The following DICER1 variants were observed in gnomAD, a reference collection of about 807,000 sequenced individuals.
DICER1 encodes endoribonuclease Dicer.
In DICER1, 43 loss-of-function variants were observed where a neutral mutation model predicts 194.1. The observed-to-expected ratio is 0.22, with a 90% CI of 0.17 to 0.29. The LOEUF is 0.29. Ranked by LOEUF, DICER1 falls within the 10% of genes least tolerant of loss-of-function variation. The pLI is 1.00. For missense variants in DICER1, 1,608 were observed against 2,317.0 expected, an observed-to-expected ratio of 0.69 and a Z score of 6.28; for synonymous variants, 832 against 820.5, an observed-to-expected ratio of 1.01 and a Z score of -0.24.
rs2140296806 is a variant in DICER1 at position 95,133,448 on chromosome 14, G to C, written c.11C>G (p.Pro4Arg). ...TGCCATGCTGAGGGGTTGCAAAGCA[G>C]GGCTTTTCATTCATCCAGTGTTTCT... MKS[P>R]ALQPLSMAGL... The change falls in exon 2 of 27, where the codon CCT becomes CGT. Residue 4 changes from proline (P) to arginine (R), a missense_variant. Around this residue, in one of 10 missense-constraint regions of DICER1, gnomAD observed 657 missense variants for 910.1 expected, o/e 0.72. Coordinates refer to ENST00000343455, the MANE Select transcript of DICER1 (RefSeq NM_177438.3). The C allele has an allele frequency of 6.2e-7, 1 of 1,613,206 alleles. No homozygotes were observed. Among genetic ancestry groups the C allele is most frequent in the Non-Finnish European group, 8.5e-7 (1 of 1,179,524 alleles).
Position 95,138,229 on chromosome 14 carries a change from T to C in DICER1, c.-45-4726A>G, listed in dbSNP as rs1231263170. Among the ~76,000 whole-genome samples, 5 of 151,170 alleles carry C rather than the reference T, an allele frequency of 3.3e-5. 1 individual carries two copies. Among genetic ancestry groups the C allele is most frequent in the Admixed American group, 2.6e-4 (4 of 15,230 alleles). On this transcript the variant is annotated intron_variant, in intron 1 of 26. Transcript: ENST00000343455. ...TTTTTTTTTCTTAGCAAACACAACA[T>C]TTCTCATAAATGCCCTACCCCACCC...
At position 95,126,810 on chromosome 14, in the gene DICER1, T is replaced by C. The variant is rs1475993146; in HGVS notation, c.735-62A>G. ...TAGTGAGAATGCAATTTAAAAAAAG[T>C]TTTTCAAAAAGCAAAAAAAAAAAAA... On this transcript the variant is annotated intron_variant, in intron 6 of 26. Transcript: ENST00000343455. 2.7e-6 allele frequency: 3 copies of C among 1,110,272 alleles called. No individual in the cohort carries two copies. The Admixed American group carries it at 7.3e-5, about 27-fold the overall frequency. 68.8% of individuals were successfully genotyped at this position (1,110,272 alleles called of 1,614,324 possible). A position where few individuals can be genotyped will look rare whatever the true frequency, so the allele number is the denominator to read the frequency against.
At chr14:95,147,927 A>C (rs1895244586) in intron 1 of DICER1, among the ~76,000 whole-genome samples, 1 of 152,272 alleles carries the variant, frequency 6.6e-6, no homozygotes, top group Admixed American at 6.5e-5. Context: ...GGCTGGGTGC[A>C]GTGGCACACG....
At chr14:95,104,989 T>C (rs922383883) in intron 20 of DICER1, 82 bp downstream of exon 20, 5 of 1,316,584 alleles carry the variant, frequency 3.8e-6, no homozygotes, top group Non-Finnish European at 4.4e-6. Flanking sequence ...AATTATTTTA[T>C]ATACAATTTT....
At chr14:95,153,085 C>T (rs1446834147) in intron 1 of DICER1, among the ~76,000 whole-genome samples, 6 of 152,036 alleles carry the variant, frequency 3.9e-5, no homozygotes, top group African/African-American at 1.5e-4. Flanking sequence ...GGTGTGGTGG[C>T]GGGCACCTGT....
At chr14:95,095,579 G>C in intron 23 of DICER1, 1 of 523,790 alleles carries the variant, frequency 1.9e-6, no homozygotes. Flanking sequence ...TAATTAGGCA[G>C]ATATAAAATG....
intron 1 of DICER1, among the ~76,000 whole-genome samples, chr14:95,149,486 C>G (rs1389987299): frequency 6.6e-6 from 1 of 152,144 alleles, no homozygotes; most frequent in Non-Finnish European, 1.5e-5. Context: ...TCACTTTAGT[C>G]CCCTCCCCTC....
At chr14:95,108,177 CT>C in intron 15 of DICER1, 84 bp from the exon 16 acceptor site, 1 of 1,319,062 alleles carries the variant, frequency 7.6e-7, no homozygotes, top group Non-Finnish European at 1.1e-6. Context: ...AGAAATGATG[CT>C]TTCTAGTGGA....
rs748029687 is a variant in DICER1, at chr14:95,124,178, G to A, written c.1376+18C>T. The stretch of plus-strand genomic sequence containing the variant: ...GCCTCCCTGTTCTCATGTGAAAGGA[G>A]TCAACTTACAGATTTACCTGTTTAA... On this transcript the variant is annotated intron_variant, in intron 8 of 26. Coordinates refer to ENST00000343455, the MANE Select transcript of DICER1 (RefSeq NM_177438.3). The surrounding 1 kb of genome is among the most constrained non-coding windows in gnomAD (Gnocchi z 4.5). 4.4e-6 allele frequency: 7 copies of A among 1,584,920 alleles called. No individual in the cohort carries two copies. The highest frequency in any genetic ancestry group is 3.3e-5 in the Admixed American group (2 of 59,972).
At chr14:95,095,674 ATTCT>A (rs1297962920) in intron 23 of DICER1, 147 bp downstream of exon 23, 37 of 893,400 alleles carry the variant, frequency 4.1e-5, no homozygotes, top group Admixed American at 8.1e-5. Flanking sequence ...AAGGAAAAGA[ATTCT>A]TTCTATTCCT....
rs201668559 is a variant in DICER1 at position 95,111,374 on chromosome 14, C to T, written c.2199G>A (p.Glu733=). ...EEELDLHDEE[E]TSVPGRPGST... ...AACCTGGTCTTCCTGGAACACTGGTCTCTTCTTCATCATGCAAATCAAGCT... is the reference window on the plus strand; with the variant it reads ...AACCTGGTCTTCCTGGAACACTGGTTTCTTCTTCATCATGCAAATCAAGCT... The change falls in exon 14 of 27, where the codon GAG becomes GAA. Residue 733 remains glutamate (E), a synonymous_variant. Transcript: ENST00000343455. 59 of 1,614,170 alleles carry T rather than the reference C, an allele frequency of 3.7e-5. No individual in the cohort carries two copies. In the East Asian group the frequency reaches 1.2e-3, roughly 34 times the overall value.
At chr14:95,131,090 C>G (rs1446254229) in intron 4 of DICER1, among the ~76,000 whole-genome samples, 2 of 151,998 alleles carry the variant, frequency 1.3e-5, no homozygotes, top group South Asian at 2.1e-4. Context: ...AGTGCAGTGG[C>G]GCGATCTCAG....
rs1595462886 is a variant in DICER1 at position 95,131,546 on chromosome 14, G to C, written c.401C>G (p.Thr134Arg). Reference sequence around the variant, plus strand: ...AAACTCTTGGTTCCATCTCTCTTTTGTCCAAGATGCATTTACTTCTAGGTT... The same window carrying C: ...AAACTCTTGGTTCCATCTCTCTTTTCTCCAAGATGCATTTACTTCTAGGTT... ...YSNLEVNASW[T>R]KERWNQEFTK... The change falls in exon 4 of 27, where the codon ACA becomes AGA. Residue 134 changes from threonine (T) to arginine (R), a missense_variant. Coordinates refer to ENST00000343455, the MANE Select transcript of DICER1 (RefSeq NM_177438.3). 6.2e-7 allele frequency: 1 copy of C among 1,613,326 alleles called. No individual in the cohort carries two copies.
Position 95,096,651 on chromosome 14 carries a change from C to G in DICER1, c.4269G>C (p.Glu1423Asp). 6.2e-7 allele frequency: 1 copy of G among 1,612,780 alleles called. No homozygotes were observed. Among genetic ancestry groups the G allele is most frequent in the South Asian group, 1.1e-5 (1 of 90,768 alleles). Reference sequence around the variant, plus strand: ...GAGCCCTCCACATCAGGCTCTCCTCCTCCTCATCCTCCTCCTCGTAATCCT... The same window carrying G: ...GAGCCCTCCACATCAGGCTCTCCTCGTCCTCATCCTCCTCCTCGTAATCCT... Reference protein sequence around the residue: ...LDEDYEEEDEEEESLMWRAPK... With the variant: ...LDEDYEEEDEDEESLMWRAPK... Residue 1423 changes from glutamate to aspartate, a missense_variant, in exon 23 of 27, where the codon GAG becomes GAC. Coordinates refer to ENST00000343455, the MANE Select transcript of DICER1 (RefSeq NM_177438.3).
intron 14 of DICER1, among the ~76,000 whole-genome samples, 184 bp downstream of exon 14, chr14:95,111,133 T>G (rs1891914947): frequency 1.3e-5 from 2 of 152,076 alleles, no homozygotes; most frequent in Admixed American, 1.3e-4. Context: ...GAGCACACAT[T>G]CTACATTAGG....
rs1464845470 is a variant in DICER1 at position 95,124,919 on chromosome 14, G to T, written c.904-251C>A. ...AAATTAAAAGATGCAATTGTATGAG[G>T]TTAATGAAGCTTATTTTTAGATCTG... On this transcript the variant is annotated intron_variant, in intron 7 of 26. Transcript: ENST00000343455. The surrounding 1 kb of genome is among the most constrained non-coding windows in gnomAD (Gnocchi z 4.5). 6.6e-6 allele frequency among the ~76,000 whole-genome samples: 1 copy of T among 152,128 alleles called. No individual in the cohort carries two copies. Among genetic ancestry groups the T allele is most frequent in the Non-Finnish European group, 1.5e-5 (1 of 68,032 alleles).
rs886037667 is a variant in DICER1 at position 95,124,428 on chromosome 14, C to T, written c.1144G>A (p.Glu382Lys). The part of the protein sequence containing the change: ...FVTPKVIKLL[E>K]ILRKYKPYER... ...TATGGTTTATATTTGCGTAAGATTT[C>T]GAGCAGTTTGATTACTTTAGGAGTT... The change falls in exon 8 of 27, where the codon GAA becomes AAA. Residue 382 changes from glutamate to lysine, a missense_variant. By Grantham distance (56) the Glu-to-Lys change is moderately conservative. Coordinates refer to ENST00000343455, the MANE Select transcript of DICER1 (RefSeq NM_177438.3). This position sits in a 1 kb window ranked among gnomAD's most constrained non-coding sequence, Gnocchi z 4.5. 8 of 1,614,074 alleles carry T rather than the reference C, an allele frequency of 5.0e-6. No homozygotes were observed. The highest frequency in any genetic ancestry group is 1.1e-5 in the South Asian group (1 of 91,072).
chr14:95,115,890 A>G (rs777076454), intron 10 of DICER1, 69 bp from the exon 11 acceptor site: 20 of 1,520,070 alleles, frequency 1.3e-5, no homozygotes, highest in Non-Finnish European at 1.7e-5. Flanking sequence ...CTGCCTCTGT[A>G]CCTACAGAAA....
intron 26 of DICER1, 99 bp downstream of exon 26, chr14:95,090,935 T>C: frequency 1.7e-6 from 2 of 1,196,520 alleles, no homozygotes; most frequent in Non-Finnish European, 2.4e-6. Flanking sequence ...CACCACAGTG[T>C]AAATATTTTT....
Sources: allele counts gnomAD v4.1 joint callset (sites outside exome capture counted in the v4.1 genomes callset), GRCh38; gene constraint gnomAD v4.1.1; regional missense constraint gnomAD v4.1.1; non-coding constraint Gnocchi (gnomAD v3.1); transcripts MANE v1.5; gene names NCBI Gene and HGNC (gene_info 2026-07-23, HGNC 2026-07-21).